The following BBS9 variants were observed in gnomAD, a reference collection of about 807,000 sequenced individuals.
The protein encoded by BBS9 is protein PTHB1.
A neutral mutation model predicts 117.7 loss-of-function variants in BBS9; 89 were observed. That is an observed-to-expected ratio of 0.76 (90% CI 0.64 to 0.90). The LOEUF is 0.90. BBS9 is among the 40% of genes least tolerant of loss of function. The pLI, the probability that BBS9 is intolerant of heterozygous loss-of-function variation, is 0.00. For synonymous variants in BBS9, 379 were observed against 370.9 expected, an observed-to-expected ratio of 1.02 and a Z score of -0.25; for missense variants, 982 against 1,042.2, an observed-to-expected ratio of 0.94 and a Z score of 0.80.
At chr7:33,541,414 C>T (rs1440328166) in intron 21 of BBS9, among the ~76,000 whole-genome samples, 1 of 152,158 alleles carries the variant, frequency 6.6e-6, no homozygotes, top group African/African-American at 2.4e-5. Context: ...AATGATAACA[C>T]TCTTATCGCT....
intron 19 of BBS9, among the ~76,000 whole-genome samples, chr7:33,489,331 C>CTTTTTTTTT (rs35199510): frequency 3.5e-5 from 3 of 86,256 alleles, no homozygotes; most frequent in Non-Finnish European, 6.7e-5. Context: ...CCACTTATGG[C>CTTTTTTTTT]TTTTTTTTTT....
At chr7:33,524,084 T>C (rs1849074751) in intron 20 of BBS9, among the ~76,000 whole-genome samples, 1 of 122,392 alleles carries the variant, frequency 8.2e-6, no homozygotes, top group Non-Finnish European at 1.7e-5. Flanking sequence ...CAGCCTTGCA[T>C]CCCAGGGATG....
chr7:33,229,931 G>C, intron 5 of BBS9, among the ~76,000 whole-genome samples: 1 of 151,878 alleles, frequency 6.6e-6, no homozygotes, highest in Non-Finnish European at 1.5e-5. Context: ...GTTGTTTTTT[G>C]CCTTTTTGAT....
chr7:33,416,771 G>A (rs1231066426), intron 19 of BBS9, among the ~76,000 whole-genome samples: 3 of 152,106 alleles, frequency 2.0e-5, no homozygotes, highest in African/African-American at 7.2e-5. Context: ...GGTGTAAGTG[G>A]CCATTCGAAG....
chr7:33,226,519 A>G (rs188746815), intron 5 of BBS9, among the ~76,000 whole-genome samples: 1 of 152,192 alleles, frequency 6.6e-6, no homozygotes, highest in Non-Finnish European at 1.5e-5. Context: ...AAAAATTATG[A>G]TCCAGCAACT....
At chr7:33,402,569 C>A (rs149375726) in intron 19 of BBS9, among the ~76,000 whole-genome samples, 345 of 152,262 alleles carry the variant, frequency 2.3e-3, no homozygotes, top group African/African-American at 8.2e-3. Context: ...ATAGGTTGGT[C>A]TTTTCTGGAT....
At chr7:33,369,067 C>A (rs547124121) in intron 17 of BBS9, among the ~76,000 whole-genome samples, 6 of 152,254 alleles carry the variant, frequency 3.9e-5, no homozygotes, top group African/African-American at 1.4e-4. Context: ...AACATGAGAT[C>A]TATCCACTTA....
intron 21 of BBS9, among the ~76,000 whole-genome samples, chr7:33,564,312 A>G (rs1168792660): frequency 6.6e-6 from 1 of 152,212 alleles, no homozygotes; most frequent in Non-Finnish European, 1.5e-5. Context: ...AATACAACAC[A>G]AACAACAAAT....
intron 4 of BBS9, among the ~76,000 whole-genome samples, chr7:33,173,188 C>G (rs1016855077): frequency 6.6e-6 from 1 of 152,204 alleles, no homozygotes; most frequent in Non-Finnish European, 1.5e-5. Flanking sequence ...GAAAAAGAAG[C>G]AAGCCTATTT....
At chr7:33,618,386 C>T (rs1448664421) in intron 21 of BBS9, among the ~76,000 whole-genome samples, 1 of 151,822 alleles carries the variant, frequency 6.6e-6, no homozygotes, top group African/African-American at 2.4e-5. Context: ...ATATGAAAAC[C>T]TATGAAAGTA....
At chr7:33,432,981 A>AAG (rs1041502515) in intron 19 of BBS9, among the ~76,000 whole-genome samples, 1 of 152,166 alleles carries the variant, frequency 6.6e-6, no homozygotes, top group Non-Finnish European at 1.5e-5. Flanking sequence ...ATATGTGACT[A>AAG]AGAGAGGGTT....
intron 21 of BBS9, among the ~76,000 whole-genome samples, chr7:33,553,993 A>C (rs1023258451): frequency 2.0e-5 from 3 of 152,088 alleles, no homozygotes; most frequent in African/African-American, 7.2e-5. Context: ...TGATTGGGGA[A>C]GGCTTCTGTG....
chr7:33,500,917 TG>T (rs1486744643), intron 19 of BBS9, among the ~76,000 whole-genome samples: 2 of 152,236 alleles, frequency 1.3e-5, no homozygotes, highest in African/African-American at 4.8e-5. Context: ...ATATGTCAGT[TG>T]GACAGAGATG....
At chr7:33,445,994 T>A (rs1836935416) in intron 19 of BBS9, among the ~76,000 whole-genome samples, 1 of 152,218 alleles carries the variant, frequency 6.6e-6, no homozygotes, top group Non-Finnish European at 1.5e-5. Context: ...TAGAGCAGTG[T>A]GAAAACGGAC....
At chr7:33,228,468 G>A (rs953510971) in intron 5 of BBS9, among the ~76,000 whole-genome samples, 5 of 151,998 alleles carry the variant, frequency 3.3e-5, no homozygotes, top group Admixed American at 2.0e-4. Context: ...AAAGGAAGAG[G>A]AATAACTTTC....
intron 5 of BBS9, among the ~76,000 whole-genome samples, chr7:33,186,948 A>G (rs1783235972): frequency 6.6e-6 from 1 of 152,244 alleles, no homozygotes; most frequent in Admixed American, 6.5e-5. Context: ...TAATAGATTT[A>G]AGATATGTTA....
At chr7:33,394,487 A>G (rs150339729) in intron 19 of BBS9, among the ~76,000 whole-genome samples, 6 of 152,232 alleles carry the variant, frequency 3.9e-5, no homozygotes, top group African/African-American at 1.4e-4. Flanking sequence ...TAATCTGTAC[A>G]ATAAACCCCC....
intron 20 of BBS9, among the ~76,000 whole-genome samples, chr7:33,523,229 G>A (rs1361580350): frequency 1.9e-4 from 28 of 148,354 alleles, no homozygotes; most frequent in South Asian, 4.2e-4. Flanking sequence ...TTGGTGATGC[G>A]GGCTCTTTTT....
At chr7:33,604,092 G>A (rs145160563) in intron 21 of BBS9, among the ~76,000 whole-genome samples, 146 of 152,172 alleles carry the variant, frequency 9.6e-4, no homozygotes, top group Non-Finnish European at 1.4e-3. Context: ...GAATGGCTTC[G>A]GAAAAAAGCA....
Sources: allele counts gnomAD v4.1 joint callset (sites outside exome capture counted in the v4.1 genomes callset), GRCh38; gene constraint gnomAD v4.1.1; transcripts MANE v1.5; gene names NCBI Gene and HGNC (gene_info 2026-07-23, HGNC 2026-07-21).